The following CRYBG1 variants were observed in gnomAD, a reference collection of about 807,000 sequenced individuals.
CRYBG1 encodes the protein crystallin beta-gamma domain containing 1, also known as beta/gamma crystallin domain-containing protein 1.
A neutral mutation model predicts 189.2 loss-of-function variants in CRYBG1; 139 were observed. That is an observed-to-expected ratio of 0.73 (90% CI 0.64 to 0.85). The LOEUF (loss-of-function observed/expected upper bound fraction) is 0.85, where lower values mean the gene tolerates loss of function less well. Among genes scored for constraint, CRYBG1 ranks in the 40% least tolerant of loss-of-function variants. CRYBG1 has a pLI of 0.00. For synonymous variants in CRYBG1, 1,023 were observed against 1,017.1 expected (o/e 1.01, Z -0.11); for missense variants, 2,611 against 2,675.8 (o/e 0.98, Z 0.53).
rs1459477196 is a variant in CRYBG1, at chr6:106,523,730, CCTT to C, written c.4246-1402_4246-1400del. On this transcript the variant is annotated intron_variant, in intron 4 of 21. Transcript: ENST00000633556. ...TAAGGCTCTAGGGGGGCCCTTATGGCCTTTTTTTTTTTTTTTAGAGTCAGAATC... is the reference window on the plus strand; with the variant it reads ...TAAGGCTCTAGGGGGGCCCTTATGGCTTTTTTTTTTTTTAGAGTCAGAATC... Among the ~76,000 whole-genome samples the C allele has an allele frequency of 2.9e-3, 421 of 146,688 alleles. 2 individuals carry two copies. The highest frequency in any genetic ancestry group is 0.01 in the African/African-American group (396 of 39,280).
At chr6:106,451,924 T>A in intron 2 of CRYBG1, 92 bp downstream of exon 2, 1 of 1,007,592 alleles carries the variant, frequency 9.9e-7, no homozygotes, top group Non-Finnish European at 1.4e-6. Flanking sequence ...AACACATACT[T>A]AAAAGTAATG....
chr6:106,568,665 T>G lies in CRYBG1; in HGVS notation c.*99T>G, dbSNP rs992516851. The G allele has an allele frequency of 1.3e-5, 10 of 789,216 alleles. No homozygotes were observed. Among genetic ancestry groups the G allele is most frequent in the Admixed American group, 2.3e-5 (1 of 43,018 alleles). 48.9% of individuals were successfully genotyped at this position (789,216 alleles called of 1,614,324 possible). ...AGACCAGACTGGAAAGTGGATCGAC[T>G]CCTCCTTCATTGATTCTAAATTCAA... On this transcript the variant is annotated 3_prime_UTR_variant, in exon 22 of 22. Coordinates refer to ENST00000633556, the MANE Select transcript of CRYBG1 (RefSeq NM_001371242.2).
rs539119418 is a variant in CRYBG1 at position 106,482,543 on chromosome 6, A to AG, written c.313-28881dup. ...ATAATCCCAGCACTTTGGGAGGCCG[A>AG]GGGGGGTGAATCACAAGGTCAGGAG... is the stretch of plus-strand genomic sequence containing the variant. On this transcript the variant is annotated intron_variant, in intron 2 of 21. Coordinates refer to ENST00000633556, the MANE Select transcript of CRYBG1 (RefSeq NM_001371242.2). Among the ~76,000 whole-genome samples the AG allele has an allele frequency of 6.4e-4, 97 of 152,224 alleles. 1 individual carries two copies. In the East Asian group the frequency reaches 0.018, roughly 28 times the overall value.
At chr6:106,506,076 A>G (rs1773126451) in intron 2 of CRYBG1, among the ~76,000 whole-genome samples, 1 of 152,224 alleles carries the variant, frequency 6.6e-6, no homozygotes, top group Non-Finnish European at 1.5e-5. Flanking sequence ...TAGCTCCATC[A>G]ACACGTGGAA....
chr6:106,525,029 C>T (rs1773702500), intron 4 of CRYBG1, 104 bp from the exon 5 acceptor site: 1 of 1,156,008 alleles, frequency 8.7e-7, no homozygotes, highest in Non-Finnish European at 1.3e-6. Context: ...AAAATCGATA[C>T]AATGTGGGAA....
At chr6:106,421,440 T>C (rs1255460933) in intron 1 of CRYBG1, among the ~76,000 whole-genome samples, 1 of 152,032 alleles carries the variant, frequency 6.6e-6, no homozygotes, top group Non-Finnish European at 1.5e-5. Flanking sequence ...GCAGAAACCA[T>C]AGTGTTTTAT....
intron 1 of CRYBG1, among the ~76,000 whole-genome samples, chr6:106,362,375 G>C (rs9372126): frequency 0.56 from 84,400 of 152,010 alleles, 24,704 homozygotes; most frequent in East Asian, 0.72. Context: ...AAAACAATGA[G>C]AGACAGGAAT....
At chr6:106,469,419 G>T (rs1462509361) in intron 2 of CRYBG1, among the ~76,000 whole-genome samples, 1 of 152,130 alleles carries the variant, frequency 6.6e-6, no homozygotes, top group Non-Finnish European at 1.5e-5. Flanking sequence ...TTTGTTCATT[G>T]CTTTATCCCC....
intron 10 of CRYBG1, among the ~76,000 whole-genome samples, chr6:106,542,121 CAT>C: frequency 6.8e-6 from 1 of 146,686 alleles, no homozygotes; most frequent in South Asian, 2.2e-4. Flanking sequence ...TTTATATATA[CAT>C]ATATATGTGT....
In CRYBG1 at chr6:106,412,044, C is replaced by T. The variant is rs573040930; in HGVS notation, c.174-39650C>T. Among the ~76,000 whole-genome samples the T allele has an allele frequency of 3.9e-5, 6 of 152,360 alleles. No homozygotes were observed. The South Asian group carries it at 6.2e-4, about 16-fold the overall frequency. ...TGTTGGCTGACTGAAATGTCAGTCT[C>T]CTCTCACAGACACACCCAGAAACAG... On this transcript the variant is annotated intron_variant, in intron 1 of 21. Transcript: ENST00000633556.
intron 2 of CRYBG1, among the ~76,000 whole-genome samples, chr6:106,455,179 T>C (rs1771860789): frequency 6.6e-6 from 1 of 152,170 alleles, no homozygotes; most frequent in African/African-American, 2.4e-5. Flanking sequence ...AAGGTATGTT[T>C]ATTTAAAATA....
At chr6:106,468,173 A>T (rs1339284321) in intron 2 of CRYBG1, among the ~76,000 whole-genome samples, 1 of 152,208 alleles carries the variant, frequency 6.6e-6, no homozygotes, top group Non-Finnish European at 1.5e-5. Flanking sequence ...ATTTGGCAAG[A>T]AGAAGGATAT....
intron 13 of CRYBG1, 47 bp from the exon 14 acceptor site, chr6:106,551,805 T>C (rs1416414330): frequency 1.3e-6 from 2 of 1,580,632 alleles, no homozygotes; most frequent in Non-Finnish European, 1.7e-6. Flanking sequence ...GTGATCGTTT[T>C]ATATGTAAAA....
chr6:106,375,119 A>C (rs147733071), intron 1 of CRYBG1, among the ~76,000 whole-genome samples: 1 of 151,434 alleles, frequency 6.6e-6, no homozygotes, highest in African/African-American at 2.4e-5. Context: ...GTGGTGGCTT[A>C]TGCCTATAAT....
Position 106,543,532 on chromosome 6 carries a change from A to G in CRYBG1, c.4974A>G (p.Glu1658=). The G allele has an allele frequency of 6.2e-7, 1 of 1,614,164 alleles. No individual in the cohort carries two copies. Among genetic ancestry groups the G allele is most frequent in the Non-Finnish European group, 8.5e-7 (1 of 1,179,992 alleles). Residue 1658 remains glutamate, a synonymous_variant, in exon 11 of 22, where the codon GAA becomes GAG. Transcript: ENST00000633556. ...CSFVMEGGET[E]EATGDDHLPF... ...TTGTCATGGAGGGAGGTGAAACAGA[A>G]GAGGCGACTGGAGACGATCATTTGC... is the stretch of plus-strand genomic sequence containing the variant.
At chr6:106,504,922 T>G (rs981604491) in intron 2 of CRYBG1, among the ~76,000 whole-genome samples, 4 of 151,626 alleles carry the variant, frequency 2.6e-5, no homozygotes, top group Non-Finnish European at 5.9e-5. Context: ...TCTAAAAGTC[T>G]TCAGAATGAA....
chr6:106,512,474 G>A lies in CRYBG1; in HGVS notation c.1357G>A (p.Ala453Thr), dbSNP rs1326357230. Residue 453 changes from alanine (A) to threonine (T), a missense_variant, in exon 3 of 22, where the codon GCG becomes ACG. Transcript: ENST00000633556. ...CGACGCGGTGTTCGACGACGAGGTG[G>A]CGCCAAACGCGGCCAGCGATAACGC... ...RDDAVFDDEV[A>T]PNAASDNASA... is the part of the protein sequence containing the mutation. 1 of 1,611,278 alleles carries A rather than the reference G, an allele frequency of 6.2e-7. No individual in the cohort carries two copies. The highest frequency in any genetic ancestry group is 1.1e-5 in the South Asian group (1 of 90,818).
chr6:106,375,164 A>T (rs887353417), intron 1 of CRYBG1, among the ~76,000 whole-genome samples: 2 of 151,482 alleles, frequency 1.3e-5, no homozygotes, highest in African/African-American at 2.4e-5. Context: ...CAGGAGGATC[A>T]CTTGAGGCCA....
At chr6:106,556,265 A>G (rs984112881) in intron 17 of CRYBG1, among the ~76,000 whole-genome samples, 2 of 152,226 alleles carry the variant, frequency 1.3e-5, no homozygotes, top group Non-Finnish European at 2.9e-5. Flanking sequence ...ATTACTGAAT[A>G]TTCTCTCATT....
Sources: gnomAD v4.1 joint callset for allele counts (sites outside exome capture counted in the v4.1 genomes callset) on GRCh38, gnomAD v4.1.1 for gene constraint, MANE v1.5 for transcripts, NCBI Gene and HGNC (gene_info 2026-07-23, HGNC 2026-07-21) for gene names.